Variants in CNTN5 observed in about 807,000 individuals in gnomAD.
CNTN5 encodes contactin-5.
A neutral mutation model predicts 129.1 loss-of-function variants in CNTN5; 77 were observed. That is an observed-to-expected ratio of 0.60 (90% confidence interval 0.50 to 0.72). The LOEUF (loss-of-function observed/expected upper bound fraction) is 0.72. Among genes scored for constraint, CNTN5 ranks in the 30% least tolerant of loss-of-function variants. CNTN5 has a pLI of 0.00. For synonymous variants in CNTN5, 509 were observed against 465.6 expected, an observed-to-expected ratio of 1.09 and a Z score of -1.20; for missense variants, 1,478 against 1,328.8, an observed-to-expected ratio of 1.11 and a Z score of -1.75.
At chr11:100,082,381 A>G (rs532403423) in intron 13 of CNTN5, among the ~76,000 whole-genome samples, 29 of 152,166 alleles carry the variant, frequency 1.9e-4, no homozygotes, top group Admixed American at 3.3e-4. Flanking sequence ...TTCCAGGGTC[A>G]AGCATTTGTC....
At chr11:100,066,833 CAA>C (rs34290071) in intron 10 of CNTN5, among the ~76,000 whole-genome samples, 3,590 of 124,918 alleles carry the variant, frequency 0.029, 66 homozygotes, top group African/African-American at 0.057. Context: ...AGTCCTCTGC[CAA>C]AAAAAAAAAA....
At chr11:99,993,566 C>A (rs1318562952) in intron 8 of CNTN5, among the ~76,000 whole-genome samples, 2 of 152,112 alleles carry the variant, frequency 1.3e-5, no homozygotes, top group Non-Finnish European at 2.9e-5. Flanking sequence ...GCCTAGCTCC[C>A]TTGCATGCAC....
chr11:99,598,294 CTTTTCTTTTCTTTTCTTT>C (rs1950192627), intron 3 of CNTN5, among the ~76,000 whole-genome samples: 1 of 6,858 alleles, frequency 1.5e-4, no homozygotes, highest in Non-Finnish European at 3.1e-4. Context: ...CTTTTCTTTT[CTTTTCTTTTCTTTTCTTT>C]TCTTTTCTTT....
At chr11:99,328,265 G>A (rs1015137087) in intron 2 of CNTN5, among the ~76,000 whole-genome samples, 1 of 152,116 alleles carries the variant, frequency 6.6e-6, no homozygotes. Flanking sequence ...GGTGGACGGA[G>A]ACAGTTTTGA....
chr11:99,368,452 G>A (rs1157661490), intron 2 of CNTN5, among the ~76,000 whole-genome samples: 1 of 150,856 alleles, frequency 6.6e-6, no homozygotes, highest in Non-Finnish European at 1.5e-5. Flanking sequence ...GACCAGCCTG[G>A]ACAACATAGT....
At chr11:99,400,270 T>A (rs1504724) in intron 2 of CNTN5, among the ~76,000 whole-genome samples, 1 of 152,102 alleles carries the variant, frequency 6.6e-6, no homozygotes, top group East Asian at 1.9e-4. Context: ...TGAGAACATG[T>A]AGTGTTTGTC....
At chr11:99,597,375 ATAGAGGTAGGAAAATTAAGC>A (rs1950158534) in intron 3 of CNTN5, among the ~76,000 whole-genome samples, 2 of 152,150 alleles carry the variant, frequency 1.3e-5, no homozygotes, top group South Asian at 4.1e-4. Context: ...CTCTAGTAGA[ATAGAGGTAGGAAAATTAAGC>A]TATTTTGAAT....
chr11:100,065,079 A>T (rs1943646137), intron 10 of CNTN5, among the ~76,000 whole-genome samples: 2 of 152,146 alleles, frequency 1.3e-5, no homozygotes, highest in South Asian at 4.1e-4. Context: ...CTAGAATTGT[A>T]TCAGTATTAA....
intron 2 of CNTN5, among the ~76,000 whole-genome samples, chr11:99,502,410 A>ATAAT (rs1946458174): frequency 6.6e-6 from 1 of 152,076 alleles, no homozygotes; most frequent in Non-Finnish European, 1.5e-5. Context: ...TAATTGAATC[A>ATAAT]CGGGGGTTGG....
At chr11:99,486,157 A>G (rs1348445333) in intron 2 of CNTN5, among the ~76,000 whole-genome samples, 5 of 152,044 alleles carry the variant, frequency 3.3e-5, no homozygotes, top group African/African-American at 1.2e-4. Flanking sequence ...TTCAGTTAAT[A>G]GTATTTGTTT....
chr11:99,849,606 G>C (rs1018786844), intron 6 of CNTN5, among the ~76,000 whole-genome samples: 2 of 151,958 alleles, frequency 1.3e-5, no homozygotes, highest in African/African-American at 4.8e-5. Context: ...AGTTCTGGTG[G>C]TAGGTAGGAT....
intron 6 of CNTN5, among the ~76,000 whole-genome samples, chr11:99,886,875 G>A (rs1350796943): frequency 6.6e-6 from 1 of 152,082 alleles, no homozygotes; most frequent in Non-Finnish European, 1.5e-5. Context: ...TTTGTGATAA[G>A]CATATGTGAG....
intron 7 of CNTN5, among the ~76,000 whole-genome samples, chr11:99,921,533 A>T (rs1424014517): frequency 6.6e-6 from 1 of 151,910 alleles, no homozygotes; most frequent in African/African-American, 2.4e-5. Context: ...TCTTTGCTTT[A>T]TTTTTCTCCG....
intron 6 of CNTN5, among the ~76,000 whole-genome samples, chr11:99,882,852 C>T (rs891621621): frequency 6.6e-6 from 1 of 152,058 alleles, no homozygotes; most frequent in South Asian, 2.1e-4. Context: ...ATTCCCATGT[C>T]CTCTTTATTC....
intron 24 of CNTN5, 90 bp from the exon 25 acceptor site, chr11:100,356,027 A>G (rs1044305000): frequency 1.3e-6 from 1 of 784,096 alleles, no homozygotes; most frequent in Non-Finnish European, 2.2e-6. Flanking sequence ...GCGATCTTGC[A>G]CTCATTAGTC....
intron 21 of CNTN5, chr11:100,337,207 G>T: frequency 1.9e-6 from 3 of 1,540,496 alleles, no homozygotes; most frequent in Non-Finnish European, 2.7e-6. Context: ...TGAAAACACT[G>T]TAGTTCCTCC....
chr11:99,740,415 G>T (rs924385672), intron 3 of CNTN5, among the ~76,000 whole-genome samples: 2 of 152,174 alleles, frequency 1.3e-5, no homozygotes, highest in African/African-American at 4.8e-5. Flanking sequence ...CATTATCATA[G>T]TATTGGTAAT....
chr11:100,046,934 T>A (rs1942712882), intron 9 of CNTN5, among the ~76,000 whole-genome samples: 1 of 152,070 alleles, frequency 6.6e-6, no homozygotes, highest in African/African-American at 2.4e-5. Flanking sequence ...CTGACCCAGA[T>A]AGGAGAAATC....
At chr11:100,219,084 G>A (rs567813501) in intron 15 of CNTN5, among the ~76,000 whole-genome samples, 3 of 152,026 alleles carry the variant, frequency 2.0e-5, no homozygotes, top group Non-Finnish European at 2.9e-5. Context: ...ACTTTTCTCC[G>A]GACTAAGCCT....
Sources: gnomAD v4.1 joint callset for allele counts (sites outside exome capture counted in the v4.1 genomes callset) on GRCh38, gnomAD v4.1.1 for gene constraint, MANE v1.5 for transcripts, NCBI Gene and HGNC (gene_info 2026-07-23, HGNC 2026-07-21) for gene names.